The following LPP variants were observed in gnomAD, a reference collection of about 807,000 sequenced individuals.
LPP encodes lipoma-preferred partner.
LPP carries 38 observed loss-of-function variants against 60.4 expected under a neutral mutation model. That is an observed-to-expected ratio of 0.63 (90% CI 0.49 to 0.83). The LOEUF (loss-of-function observed/expected upper bound fraction) is 0.83. LPP is among the 40% of genes least tolerant of loss of function. The pLI is 0.00. For missense variants in LPP, 902 were observed against 783.6 expected, an observed-to-expected ratio of 1.15 and a Z score of -1.80; for synonymous variants, 328 against 290.8, an observed-to-expected ratio of 1.13 and a Z score of -1.30.
intron 5 of LPP, among the ~76,000 whole-genome samples, chr3:188,502,893 AAGAC>A (rs1243697413): frequency 6.6e-6 from 1 of 152,134 alleles, no homozygotes; most frequent in East Asian, 1.9e-4. Flanking sequence ...CTGAAAGTGA[AAGAC>A]AGAATAGATG....
At chr3:188,517,785 A>C (rs1045708675) in intron 5 of LPP, among the ~76,000 whole-genome samples, 6 of 152,126 alleles carry the variant, frequency 3.9e-5, no homozygotes, top group African/African-American at 1.4e-4. Context: ...CCAAGATTCA[A>C]ATTATCTCCC....
At chr3:188,262,578 T>C (rs549633924) in intron 2 of LPP, among the ~76,000 whole-genome samples, 1 of 152,206 alleles carries the variant, frequency 6.6e-6, no homozygotes, top group African/African-American at 2.4e-5. Context: ...AATAAACTTA[T>C]CTCACCCCAA....
chr3:188,636,336 G>T (rs1848748835), intron 7 of LPP, among the ~76,000 whole-genome samples: 1 of 152,200 alleles, frequency 6.6e-6, no homozygotes, highest in Admixed American at 6.5e-5. Context: ...CCCGAATACT[G>T]CGCTTTTCCG....
At chr3:188,577,767 TC>T (rs1232627837) in intron 6 of LPP, among the ~76,000 whole-genome samples, 1 of 145,834 alleles carries the variant, frequency 6.9e-6, no homozygotes, top group East Asian at 2.1e-4. Flanking sequence ...CTTCGTTCCT[TC>T]CTTCCTTCCT....
intron 2 of LPP, among the ~76,000 whole-genome samples, chr3:188,305,235 T>A (rs2150188507): frequency 6.6e-6 from 1 of 152,292 alleles, no homozygotes; most frequent in East Asian, 1.9e-4. Context: ...AAAAAAATTG[T>A]TAGGAAAAGG....
chr3:188,224,288 T>G (rs536644436), intron 1 of LPP, among the ~76,000 whole-genome samples: 1 of 152,266 alleles, frequency 6.6e-6, no homozygotes, highest in Admixed American at 6.5e-5. Context: ...GGAATTGTTT[T>G]GTACACAAAA....
At chr3:188,463,132 C>G (rs1285092759) in intron 4 of LPP, among the ~76,000 whole-genome samples, 3 of 152,060 alleles carry the variant, frequency 2.0e-5, no homozygotes, top group African/African-American at 7.2e-5. Flanking sequence ...AATAATCTTT[C>G]CTTTACTGAT....
intron 2 of LPP, among the ~76,000 whole-genome samples, chr3:188,299,040 T>C (rs1028728264): frequency 6.6e-6 from 1 of 152,182 alleles, no homozygotes; most frequent in African/African-American, 2.4e-5. Flanking sequence ...TTATGTGTCT[T>C]ACATCTTAAT....
In LPP at chr3:188,508,042, T is replaced by G. The variant is rs191711685; in HGVS notation, c.307-16623T>G. Among the ~76,000 whole-genome samples, 3 of 152,328 alleles carry G rather than the reference T, an allele frequency of 2.0e-5. No homozygotes were observed. In the East Asian group the frequency reaches 5.8e-4, roughly 29 times the overall value. ...TGTATTTAGATGGATTGCTATAACA[T>G]AGTGGTACTCAAGTGATCAGAAATG... On this transcript the variant is annotated intron_variant, in intron 5 of 11. Transcript: ENST00000617246.
chr3:188,638,846 C>T (rs1351728263), intron 7 of LPP, among the ~76,000 whole-genome samples: 1 of 150,928 alleles, frequency 6.6e-6, no homozygotes, highest in Non-Finnish European at 1.5e-5. Context: ...CTACAAACCA[C>T]TGCTCAAGGA....
chr3:188,779,364 G>C (rs1160652652), intron 9 of LPP, among the ~76,000 whole-genome samples: 1 of 152,128 alleles, frequency 6.6e-6, no homozygotes, highest in Non-Finnish European at 1.5e-5. Context: ...GAAGGGACGT[G>C]CATCAGTGCG....
At chr3:188,301,968 C>CT (rs930120655) in intron 2 of LPP, among the ~76,000 whole-genome samples, 4 of 142,004 alleles carry the variant, frequency 2.8e-5, no homozygotes, top group Non-Finnish European at 6.0e-5. Context: ...AATTTACTGA[C>CT]TTAAAAAAAA....
At chr3:188,844,677 A>G (rs1180427881) in intron 9 of LPP, among the ~76,000 whole-genome samples, 2 of 152,226 alleles carry the variant, frequency 1.3e-5, no homozygotes, top group Non-Finnish European at 2.9e-5. Context: ...TTTATTGTCC[A>G]TCTCTTTGGA....
intron 9 of LPP, among the ~76,000 whole-genome samples, chr3:188,833,948 A>C (rs1757706783): frequency 1.3e-5 from 2 of 152,214 alleles, no homozygotes; most frequent in South Asian, 4.1e-4. Context: ...CACTGTTCAC[A>C]TTACTATTAA....
chr3:188,773,226 G>T (rs999345835), intron 9 of LPP, among the ~76,000 whole-genome samples: 1 of 152,094 alleles, frequency 6.6e-6, no homozygotes, highest in Non-Finnish European at 1.5e-5. Context: ...TCTACTCCCT[G>T]GATCTTTTTT....
intron 4 of LPP, among the ~76,000 whole-genome samples, chr3:188,442,639 C>T (rs1002871658): frequency 1.3e-5 from 2 of 152,066 alleles, no homozygotes; most frequent in African/African-American, 4.8e-5. Flanking sequence ...GAGGTGTGAC[C>T]GTGGTATTTC....
Position 188,876,353 on chromosome 3 carries a change from G to A in LPP, c.*1874G>A, listed in dbSNP as rs138575006. 6 of 190,388 alleles carry A rather than the reference G, an allele frequency of 3.2e-5. No individual in the cohort carries two copies. The highest frequency in any genetic ancestry group is 1.2e-4 in the African/African-American group (5 of 43,016). 11.8% of individuals were successfully genotyped at this position (190,388 alleles called of 1,614,324 possible). ...GGCTCATTTGCTTTTGTCACTAAACGGTTTTGTGTTAGAACCACCAAAATT... is the reference window on the plus strand; with the variant it reads ...GGCTCATTTGCTTTTGTCACTAAACAGTTTTGTGTTAGAACCACCAAAATT... On this transcript the variant is annotated 3_prime_UTR_variant, in exon 12 of 12. Transcript: ENST00000617246.
chr3:188,469,967 G>A, intron 4 of LPP, among the ~76,000 whole-genome samples: 1 of 151,922 alleles, frequency 6.6e-6, no homozygotes, highest in East Asian at 1.9e-4. Flanking sequence ...GAAAAACCAG[G>A]GTGTTGTATT....
intron 2 of LPP, among the ~76,000 whole-genome samples, chr3:188,283,881 G>A (rs868713435): frequency 6.6e-6 from 1 of 152,070 alleles, no homozygotes; most frequent in South Asian, 2.1e-4. Flanking sequence ...GGAGGCTGAG[G>A]CAGGAGAATC....
Sources: allele counts gnomAD v4.1 joint callset (sites outside exome capture counted in the v4.1 genomes callset), GRCh38; gene constraint gnomAD v4.1.1; transcripts MANE v1.5; gene names NCBI Gene and HGNC (gene_info 2026-07-23, HGNC 2026-07-21).